RANBP2: variants seen among roughly 807,000 people sequenced by gnomAD.
The protein encoded by RANBP2 is E3 SUMO-protein ligase RanBP2.
Under a neutral mutation model 303.6 loss-of-function variants are expected in RANBP2, and 57 were observed. The observed-to-expected ratio is 0.19, with a 90% confidence interval of 0.15 to 0.23. The LOEUF is 0.23. RANBP2 is among the 10% of genes least tolerant of loss of function. The pLI, the probability that RANBP2 is intolerant of heterozygous loss-of-function variation, is 1.00. For synonymous variants in RANBP2, 1,167 were observed against 1,301.5 expected (o/e 0.90, Z 2.23); for missense variants, 3,138 against 3,780.8 (o/e 0.83, Z 4.46).
the RANBP2 span, among the ~76,000 whole-genome samples, chr2:109,640,259 C>T: frequency 0.05 from 7,555 of 151,892 alleles, 614 homozygotes; most frequent in African/African-American, 0.17. Context: ...TGAGACCAGT[C>T]GGGCCAACAT....
At chr2:108,910,732 A>AT in the RANBP2 span, 1 of 1,603,502 alleles carries the variant, frequency 6.2e-7, no homozygotes, top group Non-Finnish European at 8.5e-7. Context: ...CCACCCAGAG[A>AT]TGGGCACCGT....
the RANBP2 span, chr2:108,794,459 T>A: frequency 1.6e-6 from 2 of 1,243,772 alleles, no homozygotes; most frequent in Non-Finnish European, 1.1e-6. Flanking sequence ...ACTTAAAGCA[T>A]CTCTTCCTAA....
chr2:109,700,798 A>G, the RANBP2 span, among the ~76,000 whole-genome samples: 1 of 152,006 alleles, frequency 6.6e-6, no homozygotes, highest in Non-Finnish European at 1.5e-5. Flanking sequence ...GCAAGCAGAG[A>G]AGATAAGGAA....
chr2:109,211,982 T>C, the RANBP2 span, among the ~76,000 whole-genome samples: 2 of 152,178 alleles, frequency 1.3e-5, no homozygotes, highest in African/African-American at 4.8e-5. Flanking sequence ...GAAACCTGAA[T>C]GTGAATGCCA....
chr2:109,333,895 T>A, the RANBP2 span, among the ~76,000 whole-genome samples: 1 of 152,226 alleles, frequency 6.6e-6, no homozygotes, highest in African/African-American at 2.4e-5. Flanking sequence ...ACCAAAATAA[T>A]ACTTGTCTCC....
the RANBP2 span, among the ~76,000 whole-genome samples, chr2:109,520,548 C>A: frequency 7.0e-6 from 1 of 142,088 alleles, no homozygotes; most frequent in African/African-American, 2.6e-5. Context: ...TGCAGTGAGC[C>A]GAGATGGTGC....
At chr2:109,382,165 G>A in the RANBP2 span, among the ~76,000 whole-genome samples, 1 of 152,336 alleles carries the variant, frequency 6.6e-6, no homozygotes, top group Admixed American at 6.5e-5. Flanking sequence ...TATTGTTAGG[G>A]AGTTTAGCAA....
At chr2:109,461,146 A>G in the RANBP2 span, among the ~76,000 whole-genome samples, 1 of 152,162 alleles carries the variant, frequency 6.6e-6, no homozygotes, top group Non-Finnish European at 1.5e-5. Flanking sequence ...CTCTAACCCG[A>G]TCATGTGTCC....
the RANBP2 span, among the ~76,000 whole-genome samples, chr2:109,350,679 C>G: frequency 6.6e-6 from 1 of 152,192 alleles, no homozygotes; most frequent in South Asian, 2.1e-4. Context: ...TGGGTCCGAC[C>G]CACCTTACTT....
chr2:109,066,301 G>C, the RANBP2 span, among the ~76,000 whole-genome samples: 2 of 152,162 alleles, frequency 1.3e-5, no homozygotes, highest in East Asian at 3.9e-4. Flanking sequence ...TAGATACGGG[G>C]TTTCACCATG....
the RANBP2 span, among the ~76,000 whole-genome samples, chr2:109,506,384 A>G: frequency 6.6e-6 from 1 of 152,214 alleles, no homozygotes; most frequent in African/African-American, 2.4e-5. Flanking sequence ...GCTCTCAGCA[A>G]AGCTGCAAAG....
the RANBP2 span, among the ~76,000 whole-genome samples, chr2:109,009,284 G>A: frequency 6.6e-6 from 1 of 152,130 alleles, no homozygotes; most frequent in Admixed American, 6.5e-5. Flanking sequence ...AGCTTGTAGT[G>A]AGCCGAGATG....
the RANBP2 span, chr2:109,491,020 T>A: frequency 7.8e-7 from 1 of 1,280,898 alleles, no homozygotes; most frequent in Non-Finnish European, 1.0e-6. Flanking sequence ...GCAGGGACAC[T>A]GTGGCCTTGC....
the RANBP2 span, among the ~76,000 whole-genome samples, chr2:109,489,884 A>T: frequency 1.2e-4 from 19 of 152,258 alleles, no homozygotes; most frequent in South Asian, 4.1e-4. Context: ...ATTACAGGCA[A>T]GTGCCACCAC....
the RANBP2 span, among the ~76,000 whole-genome samples, chr2:109,116,183 G>C: frequency 2.6e-5 from 4 of 152,184 alleles, no homozygotes; most frequent in Non-Finnish European, 1.5e-5. Context: ...GGTCTGCCTT[G>C]CTAGATTGGG....
chr2:109,292,397 C>T, the RANBP2 span, among the ~76,000 whole-genome samples: 3 of 152,290 alleles, frequency 2.0e-5, no homozygotes, highest in Middle Eastern at 3.4e-3. Flanking sequence ...GGTCTTTTCA[C>T]TTAATGCTAT....
the RANBP2 span, among the ~76,000 whole-genome samples, chr2:109,573,954 T>C: frequency 2.6e-5 from 4 of 152,190 alleles, no homozygotes; most frequent in Non-Finnish European, 5.9e-5. Flanking sequence ...TCTCACTTAA[T>C]AGTGGCATAA....
the RANBP2 span, among the ~76,000 whole-genome samples, chr2:109,716,027 G>A: frequency 2.0e-5 from 3 of 151,990 alleles, no homozygotes; most frequent in African/African-American, 4.8e-5. Context: ...TTAAGGACGC[G>A]CCCAGGAGAA....
chr2:108,938,463 G>T, the RANBP2 span, among the ~76,000 whole-genome samples: 1 of 152,212 alleles, frequency 6.6e-6, no homozygotes, highest in Admixed American at 6.5e-5. Context: ...GTGCTCGGGT[G>T]CTCTGCACTC....
Sources: allele counts gnomAD v4.1 joint callset (sites outside exome capture counted in the v4.1 genomes callset), GRCh38; gene constraint gnomAD v4.1.1; transcripts MANE v1.5; gene names NCBI Gene and HGNC (gene_info 2026-07-23, HGNC 2026-07-21).